Variants in RANBP17 observed in about 807,000 individuals in gnomAD.
RANBP17 encodes the protein ran-binding protein 17.
In RANBP17, 158 loss-of-function variants were observed where a neutral mutation model predicts 141.2. That is an observed-to-expected ratio of 1.12 (90% CI 0.98 to 1.28). The LOEUF (loss-of-function observed/expected upper bound fraction) is 1.28, where lower values mean the gene tolerates loss of function less well. RANBP17 is among the 50% of genes most tolerant of loss of function. The probability of loss-of-function intolerance (pLI) is 0.00; values close to 1 mark genes in which losing one functional copy is unlikely to be tolerated. For missense variants in RANBP17, 1,438 were observed against 1,290.7 expected (o/e 1.11, Z -1.75); for synonymous variants, 430 against 450.0 (o/e 0.96, Z 0.56).
chr5:171,293,881 A>G lies in RANBP17; in HGVS notation c.2944-2A>G. ...CAATCTTTATGTGATTCTATCTTCT[A>G]GATGATGTCTGTCCTCATGAACACC... is the stretch of plus-strand genomic sequence containing the variant. On this transcript the variant is annotated splice_acceptor_variant, in intron 25 of 27. Transcript: ENST00000523189. LOFTEE classifies it high-confidence loss of function. 1 of 1,608,542 alleles carries G rather than the reference A, an allele frequency of 6.2e-7. No individual in the cohort carries two copies. The highest frequency in any genetic ancestry group is 2.2e-5 in the East Asian group (1 of 44,846).
At chr5:171,116,197 T>C (rs1755619501) in intron 14 of RANBP17, among the ~76,000 whole-genome samples, 2 of 152,058 alleles carry the variant, frequency 1.3e-5, no homozygotes, top group African/African-American at 4.8e-5. Flanking sequence ...TTTTGGAAAA[T>C]AAAAAATGTA....
At chr5:171,114,921 C>T (rs1755504473) in intron 14 of RANBP17, among the ~76,000 whole-genome samples, 2 of 151,764 alleles carry the variant, frequency 1.3e-5, no homozygotes, top group African/African-American at 4.8e-5. Flanking sequence ...TGAAACCAGC[C>T]ATGGCAATTT....
chr5:171,241,103 T>C lies in RANBP17; in HGVS notation c.2598T>C (p.Phe866=). Residue 866 remains phenylalanine (F), a synonymous_variant, in exon 23 of 28, where the codon TTT becomes TTC. Transcript: ENST00000523189. The stretch of plus-strand genomic sequence containing the variant: ...ATTTTGACAATGTACTCCAGGCTTT[T>C]GTCAAAATGCTGCTGTCAGTGTCCC... The part of the protein sequence containing the change: ...DNHFDNVLQA[F]VKMLLSVSHS... The C allele has an allele frequency of 1.2e-6, 2 of 1,613,812 alleles. No homozygotes were observed. The highest frequency in any genetic ancestry group is 1.7e-6 in the Non-Finnish European group (2 of 1,179,828).
chr5:171,096,509 T>A (rs1420726065), intron 14 of RANBP17, among the ~76,000 whole-genome samples: 1 of 152,168 alleles, frequency 6.6e-6, no homozygotes, highest in Non-Finnish European at 1.5e-5. Flanking sequence ...AGGTAGCACA[T>A]CTTCATAGAA....
intron 18 of RANBP17, among the ~76,000 whole-genome samples, chr5:171,183,731 C>G (rs887926349): frequency 6.6e-6 from 1 of 152,182 alleles, no homozygotes; most frequent in Non-Finnish European, 1.5e-5. Flanking sequence ...TAGGAATAAT[C>G]TTAAACAGAG....
At chr5:170,914,566 CACAAGGACTTTCCCTTCTACT>C (rs1771794823) in intron 8 of RANBP17, among the ~76,000 whole-genome samples, 1 of 152,236 alleles carries the variant, frequency 6.6e-6, no homozygotes, top group African/African-American at 2.4e-5. Context: ...CTGACCACCA[CACAAGGACTTTCCCTTCTACT>C]ACCCTTCTCT....
rs535398086 is a variant in RANBP17, at chr5:171,257,536, C to T, written c.2777-8145C>T. 3.0e-4 allele frequency among the ~76,000 whole-genome samples: 46 copies of T among 152,276 alleles called. 1 individual carries two copies. The South Asian group carries it at 9.1e-3, about 30-fold the overall frequency. On this transcript the variant is annotated intron_variant, in intron 24 of 27. Transcript: ENST00000523189. ...TCCCATTTCCACCACTCTTATTCTACACAGTACGAAAAGTCCTAGCCAGAG... is the reference window on the plus strand; with the variant it reads ...TCCCATTTCCACCACTCTTATTCTATACAGTACGAAAAGTCCTAGCCAGAG...
intron 12 of RANBP17, among the ~76,000 whole-genome samples, chr5:170,945,406 C>A (rs1423356212): frequency 2.0e-5 from 3 of 152,100 alleles, no homozygotes; most frequent in African/African-American, 7.2e-5. Flanking sequence ...ATAATAGTTA[C>A]ACTAGCCAAC....
chr5:171,155,078 G>GAA (rs145976955), intron 14 of RANBP17, among the ~76,000 whole-genome samples: 1,120 of 74,928 alleles, frequency 0.015, 26 homozygotes, highest in African/African-American at 0.033. Flanking sequence ...ACTCCATCTA[G>GAA]AAAAAAAAAA....
chr5:171,092,251 A>T (rs1786349523), intron 14 of RANBP17, among the ~76,000 whole-genome samples: 1 of 152,196 alleles, frequency 6.6e-6, no homozygotes, highest in African/African-American at 2.4e-5. Context: ...TATGGTTACC[A>T]TTTGGCATTT....
intron 12 of RANBP17, among the ~76,000 whole-genome samples, chr5:170,933,908 G>A (rs1477104485): frequency 8.5e-5 from 13 of 152,290 alleles, no homozygotes; most frequent in East Asian, 5.8e-4. Context: ...GGGGTGGAGC[G>A]TTCTGTAGAT....
chr5:170,870,114 T>C (rs1767595779), intron 1 of RANBP17, among the ~76,000 whole-genome samples: 1 of 152,140 alleles, frequency 6.6e-6, no homozygotes, highest in Non-Finnish European at 1.5e-5. Context: ...AGTTCTAAAA[T>C]TCAGTCCTCC....
intron 1 of RANBP17, among the ~76,000 whole-genome samples, chr5:170,876,037 CAG>C (rs1213592128): frequency 6.6e-6 from 1 of 152,184 alleles, no homozygotes; most frequent in Non-Finnish European, 1.5e-5. Flanking sequence ...GAGTTCACTT[CAG>C]GCCTTGTTAG....
At chr5:171,266,953 A>G (rs1766733643) in intron 25 of RANBP17, among the ~76,000 whole-genome samples, 1 of 151,880 alleles carries the variant, frequency 6.6e-6, no homozygotes, top group Non-Finnish European at 1.5e-5. Context: ...TTTTAAAAAA[A>G]CATACATGCC....
At chr5:171,186,420 A>G (rs763100786) in intron 18 of RANBP17, among the ~76,000 whole-genome samples, 7 of 151,034 alleles carry the variant, frequency 4.6e-5, no homozygotes, top group Non-Finnish European at 1.0e-4. Context: ...CTAGCTTCCA[A>G]CTTTTCTTCT....
chr5:171,205,496 A>C (rs891735388), intron 19 of RANBP17, 28 bp from the exon 20 acceptor site: 1 of 1,593,622 alleles, frequency 6.3e-7, no homozygotes, highest in South Asian at 1.1e-5. Flanking sequence ...CGTGAAAATC[A>C]ATTACTGTGT....
chr5:170,964,886 G>A (rs1316231481), intron 13 of RANBP17, among the ~76,000 whole-genome samples: 1 of 152,126 alleles, frequency 6.6e-6, no homozygotes, highest in Non-Finnish European at 1.5e-5. Flanking sequence ...ATAACAGCAT[G>A]ATTTATAGTC....
At chr5:171,130,431 CTTTTTT>C (rs72051535) in intron 14 of RANBP17, among the ~76,000 whole-genome samples, 11 of 90,044 alleles carry the variant, frequency 1.2e-4, no homozygotes, top group South Asian at 8.3e-4. Context: ...TTTAAAAAGA[CTTTTTT>C]TTTTTTTTTT....
At position 171,089,701 on chromosome 5, in the gene RANBP17, G is replaced by A. The variant is rs535672933; in HGVS notation, c.1711-80429G>A. ...AGCCGGTCTGAAAAGCGCAATATTC[G>A]GGTGGGAGTGACCCGATTTTCCAGG... On this transcript the variant is annotated intron_variant, in intron 14 of 27. Transcript: ENST00000523189. Among the ~76,000 whole-genome samples, 394 of 152,234 alleles carry A rather than the reference G, an allele frequency of 2.6e-3. 2 individuals are homozygous for A. The highest frequency in any genetic ancestry group is 4.8e-3 in the African/African-American group (200 of 41,544).
Sources: gnomAD v4.1 joint callset for allele counts (sites outside exome capture counted in the v4.1 genomes callset) on GRCh38, gnomAD v4.1.1 for gene constraint, MANE v1.5 for transcripts, NCBI Gene and HGNC (gene_info 2026-07-23, HGNC 2026-07-21) for gene names.